APP: variants seen among roughly 807,000 people sequenced by gnomAD.
APP encodes amyloid-beta precursor protein.
In APP, 31 loss-of-function variants were observed where a neutral mutation model predicts 101.4. The observed-to-expected ratio is 0.31, with a 90% CI of 0.23 to 0.41. The LOEUF (loss-of-function observed/expected upper bound fraction) is 0.41, where lower values mean the gene tolerates loss of function less well. APP is among the 10% of genes least tolerant of loss of function. The probability of loss-of-function intolerance (pLI) is 1.00; values close to 1 mark genes in which losing one functional copy is unlikely to be tolerated. For synonymous variants in APP, 366 were observed against 364.4 expected (o/e 1.00, Z -0.05); for missense variants, 839 against 1,003.7 (o/e 0.84, Z 2.22).
At chr21:26,028,542 G>T (rs1368250326) in intron 5 of APP, among the ~76,000 whole-genome samples, 1 of 152,130 alleles carries the variant, frequency 6.6e-6, no homozygotes, top group Non-Finnish European at 1.5e-5. Context: ...GTGAGGAAGG[G>T]TAAACTGCAG....
At chr21:25,991,190 T>C (rs2042846013) in intron 8 of APP, among the ~76,000 whole-genome samples, 2 of 151,586 alleles carry the variant, frequency 1.3e-5, no homozygotes, top group Non-Finnish European at 2.9e-5. Flanking sequence ...AGGAGAGGGA[T>C]AAAAAACTAC....
intron 6 of APP, among the ~76,000 whole-genome samples, chr21:26,008,935 C>T (rs532495908): frequency 1.7e-4 from 26 of 152,244 alleles, no homozygotes; most frequent in African/African-American, 5.3e-4. Context: ...AGGCAGGAGA[C>T]GCTACTAGAG....
intron 8 of APP, among the ~76,000 whole-genome samples, chr21:25,986,899 T>C (rs1030131446): frequency 1.4e-4 from 21 of 152,220 alleles, no homozygotes; most frequent in African/African-American, 5.1e-4. Flanking sequence ...TTTTATTGCG[T>C]AGAGGCAAAA....
intron 3 of APP, among the ~76,000 whole-genome samples, chr21:26,067,963 G>A (rs371638160): frequency 7.9e-4 from 120 of 151,238 alleles, no homozygotes; most frequent in African/African-American, 2.7e-3. Flanking sequence ...TTTTAGAGAC[G>A]CAATTAATTA....
At chr21:25,968,282 C>T (rs2041872515) in intron 11 of APP, among the ~76,000 whole-genome samples, 1 of 151,194 alleles carries the variant, frequency 6.6e-6, no homozygotes, top group Admixed American at 6.6e-5. Context: ...GTAGCTGCGA[C>T]TACAGGCGCG....
chr21:25,905,795 G>A (rs139495971), intron 14 of APP, among the ~76,000 whole-genome samples: 1 of 152,288 alleles, frequency 6.6e-6, no homozygotes, highest in African/African-American at 2.4e-5. Context: ...AAAGCAGTGT[G>A]GACAGCATGA....
At chr21:26,118,808 G>A (rs1018073269) in intron 1 of APP, among the ~76,000 whole-genome samples, 6 of 151,940 alleles carry the variant, frequency 3.9e-5, no homozygotes, top group African/African-American at 1.5e-4. Flanking sequence ...CCAAAGTGCT[G>A]GGATTATACG....
At chr21:25,929,684 C>T (rs964058543) in intron 13 of APP, among the ~76,000 whole-genome samples, 8 of 152,120 alleles carry the variant, frequency 5.3e-5, no homozygotes, top group African/African-American at 9.7e-5. Flanking sequence ...AACAGTATCA[C>T]ATTTCATTTT....
intron 15 of APP, among the ~76,000 whole-genome samples, chr21:25,899,182 C>T (rs906890735): frequency 3.3e-5 from 5 of 152,160 alleles, no homozygotes; most frequent in African/African-American, 9.7e-5. Context: ...TTTTCCTATC[C>T]CTACCTTCCC....
chr21:26,020,952 A>G (rs984275171), intron 6 of APP, among the ~76,000 whole-genome samples: 1 of 152,202 alleles, frequency 6.6e-6, no homozygotes, highest in African/African-American at 2.4e-5. Flanking sequence ...TCTTGAAGAA[A>G]GCACTGCCGT....
intron 13 of APP, among the ~76,000 whole-genome samples, chr21:25,933,006 G>A (rs1284041119): frequency 6.6e-6 from 1 of 152,094 alleles, no homozygotes; most frequent in African/African-American, 2.4e-5. Flanking sequence ...TAATAGATGT[G>A]CATATTTTCA....
chr21:26,078,287 T>A (rs1223258048), intron 3 of APP, among the ~76,000 whole-genome samples: 3 of 152,200 alleles, frequency 2.0e-5, no homozygotes, highest in South Asian at 2.1e-4. Context: ...TATAAAGATA[T>A]GCTGTACCTA....
chr21:25,948,425 T>TA (rs1359484344), intron 13 of APP, among the ~76,000 whole-genome samples: 2 of 152,112 alleles, frequency 1.3e-5, no homozygotes, highest in African/African-American at 4.8e-5. Context: ...AAAATTGTAA[T>TA]AAAAAATAAG....
intron 17 of APP, among the ~76,000 whole-genome samples, chr21:25,886,483 T>C (rs1379704676): frequency 6.6e-6 from 1 of 151,866 alleles, no homozygotes; most frequent in Admixed American, 6.6e-5. Context: ...AGCCTCCATC[T>C]CCTGGGTTCA....
chr21:25,907,104 A>G (rs114789949), intron 14 of APP, among the ~76,000 whole-genome samples: 3,583 of 152,156 alleles, frequency 0.024, 133 homozygotes, highest in African/African-American at 0.08. Context: ...CTTACAAATG[A>G]TATTGTCCTA....
chr21:25,891,971 A>T, intron 16 of APP, 103 bp from the exon 17 acceptor site: 2 of 1,224,894 alleles, frequency 1.6e-6, no homozygotes, highest in Non-Finnish European at 2.3e-6. Context: ...TGCAGGGGAC[A>T]TTTGGATGAG....
chr21:26,095,561 A>G (rs1963040980), intron 2 of APP, among the ~76,000 whole-genome samples: 1 of 152,168 alleles, frequency 6.6e-6, no homozygotes, highest in Non-Finnish European at 1.5e-5. Flanking sequence ...ATTCAACTTT[A>G]TCACAGGTAT....
intron 1 of APP, among the ~76,000 whole-genome samples, chr21:26,144,819 G>A (rs1185015930): frequency 6.6e-6 from 1 of 152,200 alleles, no homozygotes; most frequent in Non-Finnish European, 1.5e-5. Flanking sequence ...AGAAATTTTA[G>A]ATCGAGGGAG....
chr21:26,068,134 A>C (rs1238951006), intron 3 of APP: 1 of 152,244 alleles, frequency 6.6e-6, no homozygotes, highest in African/African-American at 2.4e-5. Context: ...CCATACTCAG[A>C]AAGCCATGTG....
Sources: allele counts gnomAD v4.1 joint callset (sites outside exome capture counted in the v4.1 genomes callset), GRCh38; gene constraint gnomAD v4.1.1; transcripts MANE v1.5; gene names NCBI Gene and HGNC (gene_info 2026-07-23, HGNC 2026-07-21).